TENM1: variants seen among roughly 807,000 people sequenced by gnomAD.
TENM1 encodes teneurin-1.
In TENM1, 35 loss-of-function variants were observed where a neutral mutation model predicts 174.8. That is an observed-to-expected ratio of 0.20 (90% CI 0.15 to 0.27). The LOEUF is 0.27. TENM1 is among the 10% of genes least tolerant of loss of function. The pLI is 1.00. For missense variants in TENM1, 1,633 were observed against 2,130.1 expected (o/e 0.77, Z 4.59); for synonymous variants, 781 against 798.7 (o/e 0.98, Z 0.37).
chrX:124,594,717 G>A (rs772218079), intron 11 of TENM1, among the ~76,000 whole-genome samples: 19 of 111,828 alleles, frequency 1.7e-4, no homozygotes, highest in African/African-American at 3.2e-4. Flanking sequence ...AAATTATTAC[G>A]TAGTCCACAA....
chrX:125,148,181 C>G, the TENM1 span, among the ~76,000 whole-genome samples: 5 of 110,945 alleles, frequency 4.5e-5, no homozygotes, highest in Non-Finnish European at 1.9e-5. Context: ...TCACTATTCT[C>G]TCTCTTTGTA....
intron 4 of TENM1, among the ~76,000 whole-genome samples, chrX:124,716,321 C>G (rs1244778889): frequency 8.9e-6 from 1 of 111,912 alleles, no homozygotes; most frequent in Admixed American, 9.4e-5. Context: ...AATTTCCCAA[C>G]CACCATTTTT....
the TENM1 span, among the ~76,000 whole-genome samples, chrX:125,006,853 C>CA: frequency 2.7e-5 from 3 of 110,994 alleles, no homozygotes; most frequent in Non-Finnish European, 3.8e-5. Context: ...CTCCCCCCAA[C>CA]AAAAAAACCC....
intron 11 of TENM1, among the ~76,000 whole-genome samples, chrX:124,594,238 G>A (rs964120596): frequency 2.4e-4 from 27 of 111,555 alleles, no homozygotes; most frequent in African/African-American, 8.2e-4. Flanking sequence ...TTATCAGCTG[G>A]ATGACATCAT....
chrX:125,064,828 C>T, the TENM1 span, among the ~76,000 whole-genome samples: 102 of 110,956 alleles, frequency 9.2e-4, no homozygotes, highest in Non-Finnish European at 1.6e-3. Flanking sequence ...AGGATGGTCT[C>T]GATCTCCTGA....
At chrX:124,461,574 G>A (rs2061173863) in intron 22 of TENM1, among the ~76,000 whole-genome samples, 1 of 111,752 alleles carries the variant, frequency 8.9e-6, no homozygotes, top group Non-Finnish European at 1.9e-5. Context: ...GCCATAAAAA[G>A]AAGGAAATTT....
At chrX:124,395,292 TTGTC>T (rs916974235) in intron 27 of TENM1, among the ~76,000 whole-genome samples, 1 of 111,765 alleles carries the variant, frequency 8.9e-6, no homozygotes, top group African/African-American at 3.3e-5. Context: ...CTTCTATAAA[TTGTC>T]TGCTCATGAT....
At chrX:125,059,565 C>A in the TENM1 span, among the ~76,000 whole-genome samples, 1 of 111,197 alleles carries the variant, frequency 9.0e-6, no homozygotes, top group Non-Finnish European at 1.9e-5. Context: ...TGCTACATAT[C>A]TGCTACTTTG....
the TENM1 span, among the ~76,000 whole-genome samples, chrX:125,115,628 C>T: frequency 9.0e-6 from 1 of 111,145 alleles, no homozygotes; most frequent in Non-Finnish European, 1.9e-5. Flanking sequence ...TGAGTGAACT[C>T]CCATTCACAA....
At chrX:125,003,043 G>C in the TENM1 span, among the ~76,000 whole-genome samples, 1 of 112,132 alleles carries the variant, frequency 8.9e-6, no homozygotes, top group East Asian at 2.8e-4. Context: ...CTGATTGACT[G>C]TAAAAGGTTA....
exon 15 of TENM1, chrX:124,546,927 G>A (rs777564165): frequency 8.3e-7 from 1 of 1,211,449 alleles, no homozygotes; most frequent in African/African-American, 1.7e-5. Flanking sequence ...CCTTGCCAAT[G>A]AGGAATTTGA....
intron 25 of TENM1, among the ~76,000 whole-genome samples, chrX:124,406,731 G>A (rs2147681771): frequency 9.0e-6 from 1 of 111,550 alleles, no homozygotes; most frequent in South Asian, 3.8e-4. Context: ...AATATATCTG[G>A]TAATGAATCA....
chrX:125,148,113 T>C, the TENM1 span, among the ~76,000 whole-genome samples: 1 of 111,494 alleles, frequency 9.0e-6, no homozygotes. Flanking sequence ...ACCCCCAGTC[T>C]GCGCTACTAG....
At chrX:125,161,644 G>T in the TENM1 span, among the ~76,000 whole-genome samples, 1 of 112,087 alleles carries the variant, frequency 8.9e-6, no homozygotes, top group Non-Finnish European at 1.9e-5. Context: ...AAGGGAAAAT[G>T]GAGAGTGACT....
intron 1 of TENM1, among the ~76,000 whole-genome samples, chrX:124,912,158 C>A (rs886456276): frequency 9.0e-6 from 1 of 111,285 alleles, no homozygotes; most frequent in Non-Finnish European, 1.9e-5. Flanking sequence ...CATTTCATCT[C>A]GGTATTAACT....
chrX:124,716,034 C>T (rs918563593), intron 4 of TENM1, among the ~76,000 whole-genome samples: 1 of 112,139 alleles, frequency 8.9e-6, no homozygotes, highest in Non-Finnish European at 1.9e-5. Context: ...TCTTGATCAA[C>T]ATTTGGCTTT....
intron 11 of TENM1, among the ~76,000 whole-genome samples, chrX:124,618,299 A>G (rs901306913): frequency 8.9e-6 from 1 of 111,772 alleles, no homozygotes; most frequent in African/African-American, 3.2e-5. Context: ...CTTTTCCATG[A>G]TCTGTTTATT....
the TENM1 span, among the ~76,000 whole-genome samples, chrX:125,079,896 G>A: frequency 1.8e-5 from 2 of 111,382 alleles, no homozygotes; most frequent in Non-Finnish European, 3.8e-5. Flanking sequence ...CCCATTACTC[G>A]CCTCCAAATT....
At chrX:124,420,249 C>T (rs1422303135) in intron 25 of TENM1, 62 bp downstream of exon 28, 3 of 1,082,016 alleles carry the variant, frequency 2.8e-6, no homozygotes, top group Non-Finnish European at 3.7e-6. Context: ...AGGCATTTTC[C>T]CAGTATAATA....
Sources: gnomAD v4.1 joint callset for allele counts (sites outside exome capture counted in the v4.1 genomes callset) on GRCh38, gnomAD v4.1.1 for gene constraint, MANE v1.5 for transcripts, NCBI Gene and HGNC (gene_info 2026-07-23, HGNC 2026-07-21) for gene names.